FHL1: variants seen among roughly 807,000 people sequenced by gnomAD.
FHL1 encodes four and a half LIM domains protein 1.
In FHL1, 1 loss-of-function variant was observed where a neutral mutation model predicts 20.3. The ratio of observed to expected loss-of-function variants is 0.05; its 90% CI spans 0.02 to 0.23. The LOEUF (loss-of-function observed/expected upper bound fraction) is 0.23, where lower values mean the gene tolerates loss of function less well. Ranked by LOEUF, FHL1 falls within the 10% of genes least tolerant of loss-of-function variation. The probability of loss-of-function intolerance (pLI) is 1.00; values close to 1 mark genes in which losing one functional copy is unlikely to be tolerated. For missense variants in FHL1, 177 were observed against 234.0 expected (o/e 0.76, Z 1.59); for synonymous variants, 82 against 88.9 (o/e 0.92, Z 0.44).
intron 2 of FHL1, among the ~76,000 whole-genome samples, chrX:136,187,154 AAG>A (rs200224889): frequency 0.36 from 38,948 of 106,739 alleles, 5,535 homozygotes; most frequent in East Asian, 0.42. Flanking sequence ...AAAGAGGAAA[AAG>A]AAAAAATATA....
chrX:136,172,450 C>T (rs773227496), intron 2 of FHL1, among the ~76,000 whole-genome samples: 2 of 112,191 alleles, frequency 1.8e-5, no homozygotes, highest in African/African-American at 6.5e-5. Flanking sequence ...ATTACATTGC[C>T]CAGTATTCAG....
chrX:136,161,939 A>G (rs1264114595), intron 1 of FHL1, among the ~76,000 whole-genome samples: 1 of 109,428 alleles, frequency 9.1e-6, no homozygotes, highest in Admixed American at 9.8e-5. Context: ...CATGGACAAT[A>G]TGGTGAAACC....
intron 2 of FHL1, 72 bp downstream of exon 2, chrX:136,206,660 C>T: frequency 8.7e-7 from 1 of 1,155,070 alleles, no homozygotes; most frequent in South Asian, 1.8e-5. Flanking sequence ...ACCATGGCAG[C>T]AGCAGCTGGC....
chrX:136,204,004 G>T (rs750331351), intron 1 of FHL1, among the ~76,000 whole-genome samples: 2 of 112,180 alleles, frequency 1.8e-5, no homozygotes, highest in Admixed American at 9.5e-5. Flanking sequence ...AAACGAGTAG[G>T]TTCAAAGTTG....
At position 136,207,719 on chromosome X, in the gene FHL1, G is replaced by C. The variant is rs28764018; in HGVS notation, c.380-73G>C. The C allele has an allele frequency of 5.4e-3, 6,091 of 1,129,494 alleles. 189 individuals carry two copies. In the African/African-American group the frequency reaches 0.092, roughly 17 times the overall value. 93.1% of individuals were successfully genotyped at this position (1,129,494 alleles called of 1,213,427 possible). A position where few individuals can be genotyped will look rare whatever the true frequency, so the allele number is the denominator to read the frequency against. ...CATCCCCTCACCTCTGGAGGGCCTGGGGAGGGGAGCTGAGTGGATGCAGCC... is the reference window on the plus strand; with the variant it reads ...CATCCCCTCACCTCTGGAGGGCCTGCGGAGGGGAGCTGAGTGGATGCAGCC... On this transcript the variant is annotated intron_variant, in intron 3 of 5. Transcript: ENST00000370683.
chrX:136,208,485 G>A lies in FHL1; in HGVS notation c.580G>A (p.Asp194Asn), dbSNP rs2073910888. The change falls in exon 5 of 6, where the codon GAT (aspartate) becomes AAT (asparagine). Residue 194 changes from aspartate to asparagine, a missense_variant. Transcript: ENST00000370683. Reference protein sequence around the residue: ...AITSGGITYQDQPWHADCFVC... With the variant: ...AITSGGITYQNQPWHADCFVC... ...CACATCTGGAGGAATCACTTACCAG[G>A]ATCAGCCCTGGCATGCCGATTGCTT... 8.3e-7 allele frequency: 1 copy of A among 1,211,675 alleles called. No individual in the cohort carries two copies. Among genetic ancestry groups the A allele is most frequent in the Non-Finnish European group, 1.1e-6 (1 of 895,479 alleles).
chrX:136,152,477 T>G (rs971082009), intron 1 of FHL1, among the ~76,000 whole-genome samples: 1 of 111,437 alleles, frequency 9.0e-6, no homozygotes, highest in African/African-American at 3.3e-5. Flanking sequence ...CCCAGCACTT[T>G]GGGAGGCCAA....
At chrX:136,197,550 A>G (rs2073589975) in intron 1 of FHL1, among the ~76,000 whole-genome samples, 1 of 112,257 alleles carries the variant, frequency 8.9e-6, no homozygotes. Flanking sequence ...AGCTGAAAGG[A>G]GGAACATTTG....
chrX:136,177,699 C>T (rs892608898), intron 2 of FHL1, among the ~76,000 whole-genome samples: 1 of 112,108 alleles, frequency 8.9e-6, no homozygotes, highest in African/African-American at 3.2e-5. Context: ...TCTGTCCTTA[C>T]TCCCCAAGTA....
intron 1 of FHL1, among the ~76,000 whole-genome samples, chrX:136,152,134 A>G (rs932098776): frequency 8.9e-6 from 1 of 112,193 alleles, no homozygotes; most frequent in Non-Finnish European, 1.9e-5. Context: ...AGTAGGGGAA[A>G]AGGGAACCAA....
intron 1 of FHL1, among the ~76,000 whole-genome samples, chrX:136,163,157 C>T (rs1485169445): frequency 8.9e-6 from 1 of 112,330 alleles, no homozygotes; most frequent in African/African-American, 3.2e-5. Context: ...TCACATTGTC[C>T]ATTAAGATTC....
intron 2 of FHL1, among the ~76,000 whole-genome samples, chrX:136,175,480 GA>G (rs1299335859): frequency 1.8e-5 from 2 of 111,733 alleles, no homozygotes; most frequent in African/African-American, 6.5e-5. Flanking sequence ...TGTGTTCTGA[GA>G]AACAAATTAT....
chrX:136,210,666 G>T lies in FHL1; in HGVS notation c.*641G>T, dbSNP rs767914666. On this transcript the variant is annotated 3_prime_UTR_variant, in exon 6 of 6. Transcript: ENST00000370683. ...TCCCCGTGTGGCATGTTTTCTGAGC[G>T]TTCCTACTTTAAAGCATGGAACATG... 7.7e-6 allele frequency: 3 copies of T among 388,363 alleles called. No homozygotes were observed. Among genetic ancestry groups the T allele is most frequent in the Non-Finnish European group, 1.5e-5 (3 of 206,785 alleles). The allele number at this position is 388,363 out of a possible 1,213,427, so 32.0% of individuals were successfully genotyped here.
Position 136,176,461 on chromosome X carries a change from T to G in FHL1, c.-27+6481T>G, listed in dbSNP as rs758280141. On this transcript the variant is annotated intron_variant, in intron 2 of 6. Transcript: ENST00000394153. Reference sequence around the variant, plus strand: ...TTTTTTGACATGGTTTCTTCTGGCTTTGGCACCACATATTTTCCCCATATG... The same window carrying G: ...TTTTTTGACATGGTTTCTTCTGGCTGTGGCACCACATATTTTCCCCATATG... Among the ~76,000 whole-genome samples the G allele has an allele frequency of 3.6e-5, 4 of 112,236 alleles. No homozygotes were observed. In the South Asian group the frequency reaches 1.5e-3, roughly 42 times the overall value.
At chrX:136,188,849 C>T (rs948094795) in intron 2 of FHL1, among the ~76,000 whole-genome samples, 15 of 111,161 alleles carry the variant, frequency 1.3e-4, no homozygotes, top group African/African-American at 4.9e-4. Flanking sequence ...AGCTATGTCT[C>T]GGCACAAACA....
rs1396034206 is a variant in FHL1, at chrX:136,210,426, C to G, written c.*401C>G. 1.0e-5 allele frequency: 4 copies of G among 392,785 alleles called. No individual in the cohort carries two copies. In the East Asian group the frequency reaches 1.6e-4, roughly 15 times the overall value. The allele number at this position is 392,785 out of a possible 1,213,427, so 32.4% of individuals were successfully genotyped here. ...ACCCACCGTGTAGACACACGACATG[C>G]AAGAGTTGCAGCGGCTGCTCCAACT... On this transcript the variant is annotated 3_prime_UTR_variant, in exon 6 of 6. Transcript: ENST00000370683.
intron 2 of FHL1, among the ~76,000 whole-genome samples, chrX:136,183,802 G>C (rs1347699299): frequency 9.0e-6 from 1 of 111,459 alleles, no homozygotes; most frequent in Non-Finnish European, 1.9e-5. Context: ...CTTAGGACAG[G>C]TGATAGTACT....
intron 1 of FHL1, 26 bp from the exon 2 acceptor site, chrX:136,206,381 T>C (rs2073839423): frequency 8.3e-7 from 1 of 1,209,644 alleles, no homozygotes; most frequent in African/African-American, 1.7e-5. Context: ...CCTGTGGTCA[T>C]TTGTCCTGTC....
At chrX:136,156,304 C>T (rs1424445503) in intron 1 of FHL1, among the ~76,000 whole-genome samples, 2 of 94,941 alleles carry the variant, frequency 2.1e-5, no homozygotes, top group African/African-American at 8.0e-5. Flanking sequence ...TTTTTTGAGA[C>T]GGAGTTTCGC....
Sources: gnomAD v4.1 joint callset for allele counts (sites outside exome capture counted in the v4.1 genomes callset) on GRCh38, gnomAD v4.1.1 for gene constraint, MANE v1.5 for transcripts, NCBI Gene and HGNC (gene_info 2026-07-23, HGNC 2026-07-21) for gene names.